Variants in DUSP13B observed in about 807,000 individuals in gnomAD.
DUSP13B encodes dual specificity protein phosphatase 13B.
chr10:75,097,079 T>C, the DUSP13B span, among the ~76,000 whole-genome samples: 1 of 152,244 alleles, frequency 6.6e-6, no homozygotes, highest in Non-Finnish European at 1.5e-5. Context: ...AGATAGTGAT[T>C]AACCACAGAG....
the DUSP13B span, among the ~76,000 whole-genome samples, chr10:75,106,725 T>G: frequency 1.3e-5 from 2 of 152,234 alleles, no homozygotes; most frequent in African/African-American, 4.8e-5. Context: ...TCCTGCTTCT[T>G]AAAGTCTGGA....
At chr10:75,098,925 T>C in the DUSP13B span, 1 of 1,203,722 alleles carries the variant, frequency 8.3e-7, no homozygotes, top group Admixed American at 4.2e-5. Context: ...TCAGTTACCA[T>C]CTTTGGGGCC....
chr10:75,105,746 A>G, the DUSP13B span: 1 of 1,554,362 alleles, frequency 6.4e-7, no homozygotes, highest in Non-Finnish European at 8.7e-7. Context: ...GGGAAGACCC[A>G]TCGGTGCTGC....
the DUSP13B span, among the ~76,000 whole-genome samples, chr10:75,101,660 T>G: frequency 2.0e-5 from 3 of 152,154 alleles, no homozygotes; most frequent in Non-Finnish European, 4.4e-5. Context: ...CAGAGTCACA[T>G]AGCCAATTGA....
chr10:75,108,228 G>A, the DUSP13B span: 3 of 1,577,356 alleles, frequency 1.9e-6, no homozygotes, highest in East Asian at 4.5e-5. Context: ...GGCAGGAAGG[G>A]CACTTGATGC....
At chr10:75,097,823 G>T in the DUSP13B span, 3 of 1,613,810 alleles carry the variant, frequency 1.9e-6, no homozygotes. Flanking sequence ...CTGGTAGGGA[G>T]ATGCCTGGAC....
the DUSP13B span, chr10:75,094,611 T>A: frequency 1.5e-5 from 23 of 1,565,062 alleles, no homozygotes; most frequent in Non-Finnish European, 1.9e-5. Flanking sequence ...CAGCAGAGCC[T>A]GCTGTTCCCA....
At chr10:75,102,700 C>T in the DUSP13B span, among the ~76,000 whole-genome samples, 20 of 152,106 alleles carry the variant, frequency 1.3e-4, no homozygotes, top group African/African-American at 4.6e-4. Flanking sequence ...TGCCTGTAAT[C>T]CTAGCACTTT....
the DUSP13B span, chr10:75,094,564 C>T: frequency 8.2e-7 from 1 of 1,222,398 alleles, no homozygotes; most frequent in African/African-American, 1.5e-5. Context: ...TCTGCCTCAG[C>T]CCCCACTTGC....
At chr10:75,095,012 C>A in the DUSP13B span, 5 of 819,910 alleles carry the variant, frequency 6.1e-6, no homozygotes. Context: ...AATGGGGCAA[C>A]TGAAGCCCAA....
chr10:75,108,859 A>AC, the DUSP13B span: 1 of 1,032,588 alleles, frequency 9.7e-7, no homozygotes, highest in Non-Finnish European at 1.3e-6. Flanking sequence ...TGACCTCAGC[A>AC]CCCCCGGGGG....
At chr10:75,094,574 C>G in the DUSP13B span, 1 of 1,327,152 alleles carries the variant, frequency 7.5e-7, no homozygotes, top group Non-Finnish European at 1.0e-6. Flanking sequence ...CCCCCACTTG[C>G]TGTTTACATC....
chr10:75,106,107 T>C, the DUSP13B span, among the ~76,000 whole-genome samples: 1,785 of 150,002 alleles, frequency 0.012, 17 homozygotes, highest in Non-Finnish European at 0.018. Context: ...TTTTCTTTTT[T>C]TTTTTTTTTT....
the DUSP13B span, chr10:75,108,364 A>G: frequency 1.5e-6 from 2 of 1,370,812 alleles, no homozygotes; most frequent in Non-Finnish European, 1.9e-6. Context: ...CCACAGCCCT[A>G]TACCCAGAGC....
chr10:75,105,537 C>A, the DUSP13B span: 9 of 979,776 alleles, frequency 9.2e-6, no homozygotes, highest in Non-Finnish European at 1.4e-5. Context: ...CTTTAATCCT[C>A]ACTTCCAGCC....
At chr10:75,106,101 CTTTTTT>C in the DUSP13B span, among the ~76,000 whole-genome samples, 4 of 123,022 alleles carry the variant, frequency 3.3e-5, no homozygotes, top group Non-Finnish European at 6.9e-5. Context: ...TCTTTCTTTT[CTTTTTT>C]TTTTTTTTTT....
chr10:75,103,331 C>T, the DUSP13B span, among the ~76,000 whole-genome samples: 5 of 152,340 alleles, frequency 3.3e-5, no homozygotes, highest in East Asian at 3.9e-4. Flanking sequence ...CTGAGGGAAG[C>T]AGCACAGGCC....
chr10:75,103,798 C>T, the DUSP13B span: 155 of 986,796 alleles, frequency 1.6e-4, no homozygotes, highest in South Asian at 3.0e-4. Context: ...ATCTGGAACC[C>T]CCTTCCTCTC....
At chr10:75,107,719 G>A in the DUSP13B span, among the ~76,000 whole-genome samples, 1 of 152,134 alleles carries the variant, frequency 6.6e-6, no homozygotes, top group Non-Finnish European at 1.5e-5. Flanking sequence ...TGAGATTATA[G>A]GTGGGTGCCA....
Sources: allele counts gnomAD v4.1 joint callset (sites outside exome capture counted in the v4.1 genomes callset), GRCh38; gene constraint gnomAD v4.1.1; transcripts MANE v1.5; gene names NCBI Gene and HGNC (gene_info 2026-07-23, HGNC 2026-07-21).